PSMD11: variants seen among roughly 807,000 people sequenced by gnomAD.
PSMD11 encodes the protein proteasome 26S subunit, non-ATPase 11.
Under a neutral mutation model 62.3 loss-of-function variants are expected in PSMD11, and 5 were observed. That is an observed-to-expected ratio of 0.08 (90% CI 0.04 to 0.17). PSMD11 has a LOEUF of 0.17. PSMD11 is among the 10% of genes least tolerant of loss of function. The pLI is 1.00. For missense variants in PSMD11, 310 were observed against 512.9 expected (o/e 0.60, Z 3.82); for synonymous variants, 191 against 191.8 (o/e 1.00, Z 0.03).
At chr17:32,475,821 A>G (rs1051706817) in intron 8 of PSMD11, among the ~76,000 whole-genome samples, 48 of 151,666 alleles carry the variant, frequency 3.2e-4, no homozygotes, top group African/African-American at 1.2e-3. Flanking sequence ...CCAAACTCCT[A>G]ACCTCAAGTG....
At chr17:32,444,733 G>C in intron 1 of PSMD11, 119 bp downstream of exon 1, 2 of 1,305,284 alleles carry the variant, frequency 1.5e-6, no homozygotes, top group Non-Finnish European at 2.1e-6. Flanking sequence ...CTGTGTGAGG[G>C]GGGCCGGGCC....
At position 32,480,202 on chromosome 17, in the gene PSMD11, G is replaced by C. The variant is rs1314880914; in HGVS notation, c.1126+5G>C. 1.2e-6 allele frequency: 2 copies of C among 1,612,120 alleles called. No homozygotes were observed. The highest frequency in any genetic ancestry group is 1.7e-6 in the Non-Finnish European group (2 of 1,178,146). On this transcript the variant is annotated splice_donor_5th_base_variant and intron_variant, in intron 12 of 13. Transcript: ENST00000261712. ...TTCTTGACAAGAAATTTCATGGTAA[G>C]TAACAGTCACACAGGCAAGGGGGCT...
At chr17:32,469,978 G>A in intron 6 of PSMD11, among the ~76,000 whole-genome samples, 1 of 151,472 alleles carries the variant, frequency 6.6e-6, no homozygotes, top group East Asian at 1.9e-4. Context: ...TAATGTTTGT[G>A]TTGAATGAGT....
intron 3 of PSMD11, among the ~76,000 whole-genome samples, chr17:32,462,212 T>C (rs924894982): frequency 7.9e-5 from 12 of 152,154 alleles, no homozygotes; most frequent in African/African-American, 2.9e-4. Context: ...AAGTCCTAGG[T>C]ATTCATTTTT....
intron 3 of PSMD11, among the ~76,000 whole-genome samples, chr17:32,460,907 G>GTGA (rs1907817199): frequency 6.6e-6 from 1 of 152,008 alleles, no homozygotes. Context: ...GAGAGAGTGA[G>GTGA]GATGGGTTGG....
Position 32,458,985 on chromosome 17 carries a change from C to T in PSMD11, c.318+4366C>T, listed in dbSNP as rs373075531. ...TGGTGCATGCCTGTAATCCCAGGTACTCAGGTGGCTGAGGCACAAGAATCA... is the reference window on the plus strand; with the variant it reads ...TGGTGCATGCCTGTAATCCCAGGTATTCAGGTGGCTGAGGCACAAGAATCA... On this transcript the variant is annotated intron_variant, in intron 3 of 13. Coordinates refer to ENST00000261712, the MANE Select transcript of PSMD11 (RefSeq NM_002815.4). 1.5e-4 allele frequency among the ~76,000 whole-genome samples: 23 copies of T among 151,428 alleles called. No individual in the cohort carries two copies. In the South Asian group the frequency reaches 4.8e-3, roughly 31 times the overall value.
intron 3 of PSMD11, among the ~76,000 whole-genome samples, chr17:32,459,899 T>A (rs931395666): frequency 6.6e-6 from 1 of 152,138 alleles, no homozygotes; most frequent in Non-Finnish European, 1.5e-5. Flanking sequence ...AGTGCCTGGT[T>A]TATAGGTGTG....
At chr17:32,476,539 G>A (rs1412338016) in intron 8 of PSMD11, 2 of 152,174 alleles carry the variant, frequency 1.3e-5, no homozygotes, top group Non-Finnish European at 2.9e-5. Flanking sequence ...ATATAAGCAT[G>A]TAGGCTGATA....
intron 2 of PSMD11, chr17:32,447,468 T>A (rs1597828904): frequency 6.4e-6 from 1 of 155,842 alleles, no homozygotes; most frequent in Admixed American, 6.3e-5. Context: ...AGATTCAGAA[T>A]GAGAATGAAT....
chr17:32,471,163 G>A (rs1597840396), intron 6 of PSMD11, among the ~76,000 whole-genome samples: 1 of 152,328 alleles, frequency 6.6e-6, no homozygotes, highest in Non-Finnish European at 1.5e-5. Flanking sequence ...CAGAGTTAGA[G>A]CTAATATACA....
chr17:32,447,139 A>C, intron 2 of PSMD11, 93 bp downstream of exon 2: 1 of 968,784 alleles, frequency 1.0e-6, no homozygotes, highest in Admixed American at 3.2e-5. Flanking sequence ...CACAAACTGA[A>C]TTCAGCTTTA....
At chr17:32,480,221 G>C in intron 12 of PSMD11, 24 bp downstream of exon 12, 2 of 1,601,574 alleles carry the variant, frequency 1.2e-6, no homozygotes, top group Non-Finnish European at 1.7e-6. Flanking sequence ...ACACAGGCAA[G>C]GGGGCTGGTG....
chr17:32,447,047 G>C lies in PSMD11; in HGVS notation c.193+1G>C. The C allele has an allele frequency of 6.3e-7, 1 of 1,597,158 alleles. No homozygotes were observed. The highest frequency in any genetic ancestry group is 8.6e-7 in the Non-Finnish European group (1 of 1,166,776). ...CTGGCAAAGACTGGACAAGCTGCAG[G>C]TAAGTGCTACACATGGATTGTATCT... On this transcript the variant is annotated splice_donor_variant, in intron 2 of 13. Coordinates refer to ENST00000261712, the MANE Select transcript of PSMD11 (RefSeq NM_002815.4). LOFTEE classifies it high-confidence loss of function.
intron 1 of PSMD11, chr17:32,445,292 G>A (rs1907299179): frequency 6.6e-6 from 1 of 152,414 alleles, no homozygotes; most frequent in African/African-American, 2.4e-5. Flanking sequence ...GTGTTGGAGC[G>A]GGACCGCCTG....
At chr17:32,456,440 G>A (rs186464627) in intron 3 of PSMD11, among the ~76,000 whole-genome samples, 42 of 151,326 alleles carry the variant, frequency 2.8e-4, no homozygotes, top group African/African-American at 9.9e-4. Context: ...TGGCGTGATC[G>A]TGGCTCACTG....
chr17:32,466,314 C>T (rs1379912960), intron 5 of PSMD11, among the ~76,000 whole-genome samples: 1 of 152,116 alleles, frequency 6.6e-6, no homozygotes, highest in South Asian at 2.1e-4. Flanking sequence ...ATTTTTATCA[C>T]CCCAGAAAGA....
chr17:32,480,093 GTGATCTC>G, intron 11 of PSMD11, 46 bp from the exon 12 acceptor site: 1 of 1,581,376 alleles, frequency 6.3e-7, no homozygotes. Flanking sequence ...CTGTGTCAGG[GTGATCTC>G]TGACTAGTGG....
intron 5 of PSMD11, among the ~76,000 whole-genome samples, chr17:32,468,578 CA>C (rs1457903555): frequency 6.6e-6 from 1 of 152,176 alleles, no homozygotes; most frequent in East Asian, 1.9e-4. Flanking sequence ...ATTTGGAGAA[CA>C]TTGGTATATC....
intron 12 of PSMD11, 114 bp downstream of exon 12, chr17:32,480,311 C>T: frequency 6.8e-7 from 1 of 1,471,570 alleles, no homozygotes; most frequent in Non-Finnish European, 9.5e-7. Flanking sequence ...CCCTGGGGTC[C>T]TGGCCCCTCT....
Sources: allele counts gnomAD v4.1 joint callset (sites outside exome capture counted in the v4.1 genomes callset), GRCh38; gene constraint gnomAD v4.1.1; transcripts MANE v1.5; gene names NCBI Gene and HGNC (gene_info 2026-07-23, HGNC 2026-07-21).